SCTR: variants seen among roughly 807,000 people sequenced by gnomAD.
The protein encoded by SCTR is secretin receptor, also known as pancreatic secretin receptor.
In SCTR, 56 loss-of-function variants were observed where a neutral mutation model predicts 60.8. The ratio of observed to expected loss-of-function variants is 0.92; its 90% CI spans 0.74 to 1.15. The LOEUF (loss-of-function observed/expected upper bound fraction) is 1.15, where lower values mean the gene tolerates loss of function less well. Among genes scored for constraint, SCTR ranks in the 50% most tolerant of loss-of-function variants. SCTR has a pLI of 0.00. For missense variants in SCTR, 562 were observed against 550.4 expected (o/e 1.02, Z -0.21); for synonymous variants, 202 against 217.0 (o/e 0.93, Z 0.61).
chr2:119,467,866 T>A (rs1035985575), intron 4 of SCTR, among the ~76,000 whole-genome samples: 2 of 152,248 alleles, frequency 1.3e-5, no homozygotes, highest in African/African-American at 2.4e-5. Flanking sequence ...ACTTTACATG[T>A]GCAATGTGAT....
Position 119,524,166 on chromosome 2 carries a change from C to G in SCTR, c.61G>C (p.Ala21Pro). The change falls in exon 1 of 13, where the codon GCC becomes CCC. Residue 21 changes from alanine to proline, a missense_variant. Coordinates refer to ENST00000019103, the MANE Select transcript of SCTR (RefSeq NM_002980.3). ...QLLLPVLLAC[A>P]AHSTGALPRL... is the part of the protein sequence containing the mutation. ...GGCGCAGTACTCACCGAGTGCGCGG[C>G]GCAGGCGAGCAGCACCGGCAGTAGT... 6.5e-7 allele frequency: 1 copy of G among 1,535,730 alleles called. No homozygotes were observed. The highest frequency in any genetic ancestry group is 1.2e-5 in the South Asian group (1 of 83,580).
chr2:119,502,932 A>T (rs60964945), intron 1 of SCTR, among the ~76,000 whole-genome samples: 2,130 of 151,852 alleles, frequency 0.014, 53 homozygotes, highest in African/African-American at 0.048. Flanking sequence ...CAGGTAGATC[A>T]TGAGGTCAGG....
At chr2:119,460,980 G>T (rs1208335065) in intron 7 of SCTR, among the ~76,000 whole-genome samples, 1 of 152,144 alleles carries the variant, frequency 6.6e-6, no homozygotes, top group African/African-American at 2.4e-5. Context: ...TCTCTCGTTG[G>T]AGTTCGGTAC....
intron 8 of SCTR, 58 bp downstream of exon 8, chr2:119,453,229 G>T: frequency 7.5e-7 from 1 of 1,340,602 alleles, no homozygotes; most frequent in Non-Finnish European, 1.1e-6. Context: ...TAACTATGCT[G>T]TTTGAAAAGC....
chr2:119,454,337 A>C (rs1683290130), intron 7 of SCTR, among the ~76,000 whole-genome samples: 1 of 152,152 alleles, frequency 6.6e-6, no homozygotes, highest in African/African-American at 2.4e-5. Flanking sequence ...CTGAATAGTC[A>C]ACTTCCAACA....
intron 2 of SCTR, among the ~76,000 whole-genome samples, chr2:119,482,191 G>C: frequency 6.6e-6 from 1 of 152,172 alleles, no homozygotes; most frequent in South Asian, 2.1e-4. Context: ...ACTGGAGAGG[G>C]ACAGAAGGGG....
At chr2:119,440,594 C>T (rs920794263) in intron 12 of SCTR, among the ~76,000 whole-genome samples, 6 of 152,188 alleles carry the variant, frequency 3.9e-5, no homozygotes, top group Non-Finnish European at 5.9e-5. Flanking sequence ...AAAAGAATCC[C>T]GGATTAAGCC....
At chr2:119,483,607 CT>C (rs1677731754) in intron 2 of SCTR, among the ~76,000 whole-genome samples, 2 of 152,324 alleles carry the variant, frequency 1.3e-5, no homozygotes, top group South Asian at 4.1e-4. Context: ...GTGGCCTGTG[CT>C]TTTGGCTGGT....
In SCTR at chr2:119,520,308, C is replaced by T. The variant is rs72963153; in HGVS notation, c.72+3847G>A. Among the ~76,000 whole-genome samples, 1,400 of 152,156 alleles carry T rather than the reference C, an allele frequency of 9.2e-3. 25 individuals carry two copies. The highest frequency in any genetic ancestry group is 0.032 in the African/African-American group (1,314 of 41,490). ...TTGAGCCCAGGAGTTCAGGACCAAC[C>T]TGGGAGACATGGTGAGACCCATCTC... is the stretch of plus-strand genomic sequence containing the variant. On this transcript the variant is annotated intron_variant, in intron 1 of 12. Transcript: ENST00000019103.
intron 10 of SCTR, 132 bp downstream of exon 10, chr2:119,448,557 C>T: frequency 1.6e-6 from 1 of 637,528 alleles, no homozygotes; most frequent in Non-Finnish European, 2.8e-6. Context: ...CCCCCATGTA[C>T]CTGGTAAACT....
chr2:119,487,522 C>G (rs1297029499), intron 2 of SCTR, among the ~76,000 whole-genome samples: 1 of 146,582 alleles, frequency 6.8e-6, no homozygotes, highest in Non-Finnish European at 1.6e-5. Flanking sequence ...ATGCCCAGGT[C>G]TGTCTGACTG....
intron 1 of SCTR, among the ~76,000 whole-genome samples, chr2:119,505,453 C>T (rs1172000181): frequency 2.7e-5 from 4 of 150,286 alleles, no homozygotes; most frequent in Admixed American, 1.3e-4. Context: ...GCACATGTAC[C>T]CTAAAATTTA....
intron 9 of SCTR, 58 bp downstream of exon 9, chr2:119,451,952 T>C (rs1212565244): frequency 7.5e-6 from 8 of 1,066,576 alleles, no homozygotes; most frequent in Non-Finnish European, 1.2e-5. Context: ...CCCTGTGGGC[T>C]GGTCACCATT....
chr2:119,510,949 G>C (rs923048632), intron 1 of SCTR, among the ~76,000 whole-genome samples: 3 of 152,050 alleles, frequency 2.0e-5, no homozygotes, highest in African/African-American at 7.3e-5. Flanking sequence ...TGTAATCCCA[G>C]CACTTTGGGA....
rs746962189 is a variant in SCTR, at chr2:119,464,231, G to A, written c.528C>T (p.Tyr176=). The change falls in exon 6 of 13, where the codon TAC becomes TAT. Residue 176 remains tyrosine, a synonymous_variant. Coordinates refer to ENST00000019103, the MANE Select transcript of SCTR (RefSeq NM_002980.3). ...AGGACACGAACAGGTGCATGTGGAT[G>A]TAGTTGCGAGTGCAGTGGAGCCTCC... ...AFRRLHCTRN[Y]IHMHLFVSFI... 3 of 1,614,246 alleles carry A rather than the reference G, an allele frequency of 1.9e-6. No individual in the cohort carries two copies. Among genetic ancestry groups the A allele is most frequent in the South Asian group, 2.2e-5 (2 of 91,088 alleles).
At chr2:119,485,251 C>T (rs1341598669) in intron 2 of SCTR, among the ~76,000 whole-genome samples, 1 of 152,214 alleles carries the variant, frequency 6.6e-6, no homozygotes, top group African/African-American at 2.4e-5. Flanking sequence ...TCTATTTTTG[C>T]CCAAAGGGGT....
rs1423117685 is a variant in SCTR, at chr2:119,461,984, A to C, written c.653T>G (p.Val218Gly). Residue 218 changes from valine to glycine, a missense_variant, in exon 7 of 13, where the codon GTC becomes GGC. By Grantham distance (109) the Val-to-Gly change is moderately radical. Coordinates refer to ENST00000019103, the MANE Select transcript of SCTR (RefSeq NM_002980.3). Reference protein sequence around the residue: ...CDAHRAGCKLVMVLFQYCIMA... With the variant: ...CDAHRAGCKLGMVLFQYCIMA... ...GATGCAGTACTGGAACAGCACCATG[A>C]CCAGCTTGCAGCCCGCCTGGAGAGA... 6.2e-7 allele frequency: 1 copy of C among 1,605,760 alleles called. No individual in the cohort carries two copies. The highest frequency in any genetic ancestry group is 1.3e-5 in the African/African-American group (1 of 74,598).
At position 119,524,408 on chromosome 2, in the gene SCTR, C is replaced by CCG; in HGVS notation, c.-184_-183dup. 2.5e-6 allele frequency: 1 copy of CCG among 393,186 alleles called. No individual in the cohort carries two copies. Among genetic ancestry groups the CCG allele is most frequent in the Non-Finnish European group, 4.4e-6 (1 of 225,448 alleles). The allele number at this position is 393,186 out of a possible 1,614,324, so 24.4% of individuals were successfully genotyped here. On this transcript the variant is annotated 5_prime_UTR_variant, in exon 1 of 13. Transcript: ENST00000019103. ...GACTGCTCCTCCTCGGACCAGGTGGCCGCGCGCGCTAAGCCGCCCGCCCCA... is the reference window on the plus strand; with the variant it reads ...GACTGCTCCTCCTCGGACCAGGTGGCCGCGCGCGCGCTAAGCCGCCCGCCCCA...
chr2:119,448,389 T>C (rs888295180), intron 10 of SCTR, among the ~76,000 whole-genome samples: 1 of 152,136 alleles, frequency 6.6e-6, no homozygotes, highest in East Asian at 1.9e-4. Context: ...CTACACACAT[T>C]TGTGTGAATT....
Sources: gnomAD v4.1 joint callset for allele counts (sites outside exome capture counted in the v4.1 genomes callset) on GRCh38, gnomAD v4.1.1 for gene constraint, MANE v1.5 for transcripts, NCBI Gene and HGNC (gene_info 2026-07-23, HGNC 2026-07-21) for gene names.